The following PIK3CB variants were observed in gnomAD, a reference collection of about 807,000 sequenced individuals.
PIK3CB encodes phosphatidylinositol 4,5-bisphosphate 3-kinase catalytic subunit beta isoform.
A neutral mutation model predicts 136.8 loss-of-function variants in PIK3CB; 39 were observed. The observed-to-expected ratio is 0.29, with a 90% CI of 0.22 to 0.37. The LOEUF (loss-of-function observed/expected upper bound fraction) is 0.37. Among genes scored for constraint, PIK3CB ranks in the 10% least tolerant of loss-of-function variants. The pLI is 1.00. For synonymous variants in PIK3CB, 428 were observed against 436.6 expected, an observed-to-expected ratio of 0.98 and a Z score of 0.25; for missense variants, 868 against 1,275.4, an observed-to-expected ratio of 0.68 and a Z score of 4.87.
At chr3:138,688,411 G>A (rs1371969108) in intron 16 of PIK3CB, among the ~76,000 whole-genome samples, 1 of 144,350 alleles carries the variant, frequency 6.9e-6, no homozygotes, top group African/African-American at 2.6e-5. Context: ...TGAGGCAGGA[G>A]AATCGCTTGA....
rs76028527 is a variant in PIK3CB at position 138,813,310 on chromosome 3, T to C, written c.-121-16743A>G. ...GTTAAGACACACTTAAGTGATACAG[T>C]TCCCAAAGATCTAAAAAACCTCAGA... On this transcript the variant is annotated intron_variant, in intron 1 of 23. Coordinates refer to ENST00000674063, the MANE Select transcript of PIK3CB (RefSeq NM_006219.3). 2.1e-3 allele frequency among the ~76,000 whole-genome samples: 313 copies of C among 152,260 alleles called. 1 individual carries two copies. Among genetic ancestry groups the C allele is most frequent in the Admixed American group, 6.5e-3 (99 of 15,274 alleles).
At chr3:138,752,120 TGA>T (rs1338506340) in intron 4 of PIK3CB, among the ~76,000 whole-genome samples, 6 of 152,138 alleles carry the variant, frequency 3.9e-5, no homozygotes, top group Non-Finnish European at 7.3e-5. Flanking sequence ...ATTCTTTTAC[TGA>T]GTGTTTGGAG....
intron 19 of PIK3CB, among the ~76,000 whole-genome samples, chr3:138,668,340 G>A (rs1307883424): frequency 3.9e-5 from 6 of 152,102 alleles, no homozygotes; most frequent in African/African-American, 1.4e-4. Flanking sequence ...AGCAGGCAAC[G>A]ATGAAAGCTT....
intron 12 of PIK3CB, among the ~76,000 whole-genome samples, chr3:138,702,191 C>T (rs1271749768): frequency 6.6e-6 from 1 of 151,388 alleles, no homozygotes; most frequent in East Asian, 1.9e-4. Context: ...CCCACCTCAG[C>T]CTCCCAAGTA....
intron 1 of PIK3CB, among the ~76,000 whole-genome samples, chr3:138,817,034 C>G (rs747718734): frequency 1.5e-4 from 22 of 151,266 alleles, no homozygotes; most frequent in Non-Finnish European, 2.8e-4. Flanking sequence ...AACCCCGTCT[C>G]TACTAAAAAT....
intron 19 of PIK3CB, among the ~76,000 whole-genome samples, chr3:138,670,704 C>A (rs144087517): frequency 5.9e-5 from 9 of 152,256 alleles, no homozygotes; most frequent in Middle Eastern, 6.8e-3. Context: ...ATGCAGTATA[C>A]CTTATGAGTG....
rs747375868 is a variant in PIK3CB at position 138,762,723 on chromosome 3, C to T, written c.-16-3364G>A. On this transcript the variant is annotated intron_variant, in intron 2 of 23. Transcript: ENST00000674063. Reference sequence around the variant, plus strand: ...CTATAATCTCAGCACTTTGGGAAGCCGAAGCAAGTGGAGTGCTTGAGCCCA... The same window carrying T: ...CTATAATCTCAGCACTTTGGGAAGCTGAAGCAAGTGGAGTGCTTGAGCCCA... 2.8e-4 allele frequency among the ~76,000 whole-genome samples: 43 copies of T among 152,072 alleles called. No individual in the cohort carries two copies. The South Asian group carries it at 3.3e-3, about 12-fold the overall frequency.
rs1372605636 is a variant in PIK3CB at position 138,734,685 on chromosome 3, A to G, written c.921T>C (p.Asn307=). The stretch of plus-strand genomic sequence containing the variant: ...GTAATGGAAGAGGAAGATTAGATGA[A>G]TTTCGATTTATGGCAGCCTCTATGG... ...MIAIEAAINR[N]SSNLPLPLPP... is the part of the protein sequence containing the mutation. The change falls in exon 7 of 24, where the codon AAT becomes AAC. Residue 307 remains asparagine, a synonymous_variant. Coordinates refer to ENST00000674063, the MANE Select transcript of PIK3CB (RefSeq NM_006219.3). The G allele has an allele frequency of 6.2e-7, 1 of 1,613,158 alleles. No homozygotes were observed. The highest frequency in any genetic ancestry group is 1.7e-5 in the Admixed American group (1 of 59,956).
chr3:138,808,903 T>C (rs1183812235), intron 1 of PIK3CB, among the ~76,000 whole-genome samples: 1 of 152,144 alleles, frequency 6.6e-6, no homozygotes, highest in Non-Finnish European at 1.5e-5. Flanking sequence ...GAAAATCTAG[T>C]TGATCTTCAG....
intron 4 of PIK3CB, among the ~76,000 whole-genome samples, chr3:138,749,754 C>A (rs1483889550): frequency 6.6e-6 from 1 of 152,186 alleles, no homozygotes; most frequent in African/African-American, 2.4e-5. Context: ...AGGTATACAT[C>A]TTCTAAGAGG....
chr3:138,660,609 A>G (rs2043279336), intron 21 of PIK3CB, among the ~76,000 whole-genome samples: 1 of 152,192 alleles, frequency 6.6e-6, no homozygotes, highest in South Asian at 2.1e-4. Flanking sequence ...CTTAGGAGGA[A>G]TAAGTTCAAC....
intron 16 of PIK3CB, 109 bp downstream of exon 16, chr3:138,688,766 C>G: frequency 1.5e-6 from 1 of 659,194 alleles, no homozygotes; most frequent in Non-Finnish European, 2.7e-6. Context: ...TAAAACTGAT[C>G]AAACACCAAG....
At chr3:138,821,384 C>A (rs1293361928) in intron 1 of PIK3CB, among the ~76,000 whole-genome samples, 1 of 152,070 alleles carries the variant, frequency 6.6e-6, no homozygotes, top group South Asian at 2.1e-4. Context: ...GCGGGTGGCT[C>A]ACCTGAGGTC....
chr3:138,827,753 G>C (rs1933847222), intron 1 of PIK3CB, among the ~76,000 whole-genome samples: 1 of 151,574 alleles, frequency 6.6e-6, no homozygotes, highest in Non-Finnish European at 1.5e-5. Flanking sequence ...GCCGAGGCGG[G>C]CGGATCACAA....
chr3:138,659,452 G>C (rs931527329), intron 21 of PIK3CB, among the ~76,000 whole-genome samples: 4 of 152,038 alleles, frequency 2.6e-5, no homozygotes, highest in African/African-American at 9.7e-5. Context: ...AGGAGGCGGA[G>C]GCTGCAGTGA....
At chr3:138,728,998 A>G (rs1414144383) in intron 8 of PIK3CB, among the ~76,000 whole-genome samples, 1 of 152,168 alleles carries the variant, frequency 6.6e-6, no homozygotes, top group Non-Finnish European at 1.5e-5. Context: ...TCAAGATGGC[A>G]GGCTGGGCAT....
At chr3:138,762,492 G>T (rs7641781) in intron 2 of PIK3CB, among the ~76,000 whole-genome samples, 1 of 152,048 alleles carries the variant, frequency 6.6e-6, no homozygotes, top group East Asian at 1.9e-4. Flanking sequence ...CCATAAACAC[G>T]AACAAAACTA....
At chr3:138,656,090 A>G in intron 23 of PIK3CB, 52 bp downstream of exon 23, 1 of 1,596,172 alleles carries the variant, frequency 6.3e-7, no homozygotes, top group South Asian at 1.1e-5. Flanking sequence ...GGCAGCTAAA[A>G]CTGAGCTCAA....
chr3:138,712,806 A>T (rs1422862154), intron 9 of PIK3CB, among the ~76,000 whole-genome samples: 2 of 152,138 alleles, frequency 1.3e-5, no homozygotes, highest in Non-Finnish European at 2.9e-5. Flanking sequence ...ACCTCAGGTG[A>T]TCCACCTACC....
Sources: gnomAD v4.1 joint callset for allele counts (sites outside exome capture counted in the v4.1 genomes callset) on GRCh38, gnomAD v4.1.1 for gene constraint, MANE v1.5 for transcripts, NCBI Gene and HGNC (gene_info 2026-07-23, HGNC 2026-07-21) for gene names.